The following CADPS variants were observed in gnomAD, a reference collection of about 807,000 sequenced individuals.
CADPS encodes calcium-dependent secretion activator 1.
Under a neutral mutation model 167.3 loss-of-function variants are expected in CADPS, and 57 were observed. That is an observed-to-expected ratio of 0.34 (90% CI 0.28 to 0.42). The LOEUF is 0.42. Ranked by LOEUF, CADPS falls within the 20% of genes least tolerant of loss-of-function variation. The pLI, the probability that CADPS is intolerant of heterozygous loss-of-function variation, is 1.00. For synonymous variants in CADPS, 676 were observed against 635.3 expected, an observed-to-expected ratio of 1.06 and a Z score of -0.96; for missense variants, 1,414 against 1,738.1, an observed-to-expected ratio of 0.81 and a Z score of 3.32.
intron 27 of CADPS, among the ~76,000 whole-genome samples, chr3:62,442,746 A>G (rs2056561803): frequency 6.6e-6 from 1 of 152,074 alleles, no homozygotes; most frequent in South Asian, 2.1e-4. Flanking sequence ...AACTGACAGC[A>G]CCTGATAGTC....
chr3:62,503,174 A>G (rs941218798), intron 17 of CADPS, among the ~76,000 whole-genome samples: 8 of 152,092 alleles, frequency 5.3e-5, no homozygotes, highest in Admixed American at 4.6e-4. Context: ...TACACTTCGT[A>G]CAATGAAGAA....
chr3:62,780,477 G>A (rs1186288133), intron 1 of CADPS, among the ~76,000 whole-genome samples: 2 of 152,122 alleles, frequency 1.3e-5, no homozygotes, highest in Non-Finnish European at 2.9e-5. Flanking sequence ...GTGTCACCTA[G>A]TTTGTGATGA....
intron 3 of CADPS, among the ~76,000 whole-genome samples, chr3:62,688,171 T>C (rs1381331293): frequency 6.6e-6 from 1 of 152,000 alleles, no homozygotes; most frequent in Admixed American, 6.6e-5. Context: ...CCTGTCCTAT[T>C]CATTGTAGGA....
intron 29 of CADPS, among the ~76,000 whole-genome samples, chr3:62,402,147 T>C (rs922558533): frequency 2.2e-5 from 3 of 139,500 alleles, no homozygotes; most frequent in Non-Finnish European, 3.0e-5. Flanking sequence ...TCTCCTTAAT[T>C]ACACACAACG....
chr3:62,523,268 T>C (rs1480218707), intron 13 of CADPS, among the ~76,000 whole-genome samples: 1 of 152,204 alleles, frequency 6.6e-6, no homozygotes, highest in Admixed American at 6.5e-5. Context: ...TTGTTCTCTT[T>C]TTCCCAAATG....
chr3:62,438,331 T>C lies in CADPS; in HGVS notation c.3670-120A>G. On this transcript the variant is annotated intron_variant, in intron 27 of 29. Coordinates refer to ENST00000383710, the MANE Select transcript of CADPS (RefSeq NM_003716.4). The surrounding 1 kb of genome is among the most constrained non-coding windows in gnomAD (Gnocchi z 4.7). ...CCTGAGATGCTTCTGCTGGATCAGC[T>C]TTGTAGGCATGGGATTGCTGTCCAC... 1.4e-6 allele frequency: 1 copy of C among 695,886 alleles called. No homozygotes were observed. Among genetic ancestry groups the C allele is most frequent in the Middle Eastern group, 2.4e-4 (1 of 4,084 alleles). The allele number at this position is 695,886 out of a possible 1,614,324, so 43.1% of individuals were successfully genotyped here. A position where few individuals can be genotyped will look rare whatever the true frequency, so the allele number is the denominator to read the frequency against.
At chr3:62,410,934 G>A (rs1057376232) in intron 28 of CADPS, among the ~76,000 whole-genome samples, 4 of 152,054 alleles carry the variant, frequency 2.6e-5, no homozygotes, top group South Asian at 4.1e-4. Context: ...GTGAGACACC[G>A]TCTCTACAAA....
Position 62,875,160 on chromosome 3 carries a change from C to T in CADPS, c.-131G>A, listed in dbSNP as rs146720092. ...CCCAGGTCAGGGAGCGAGAGCGCTG[C>T]TGCTCAGCCTCGGCCGCCGCGACTG... On this transcript the variant is annotated 5_prime_UTR_variant, in exon 1 of 30. Coordinates refer to ENST00000383710, the MANE Select transcript of CADPS (RefSeq NM_003716.4). 37,968 of 1,199,352 alleles carry T rather than the reference C, an allele frequency of 0.032. 696 individuals carry two copies. The highest frequency in any genetic ancestry group is 0.077 in the South Asian group (3,419 of 44,642). The allele number at this position is 1,199,352 out of a possible 1,614,324, so 74.3% of individuals were successfully genotyped here. A position where few individuals can be genotyped will look rare whatever the true frequency, so the allele number is the denominator to read the frequency against.
At chr3:62,835,904 A>G (rs972089177) in intron 1 of CADPS, among the ~76,000 whole-genome samples, 1 of 152,204 alleles carries the variant, frequency 6.6e-6, no homozygotes, top group Non-Finnish European at 1.5e-5. Context: ...AACACATTAG[A>G]TGACTTCATC....
intron 3 of CADPS, among the ~76,000 whole-genome samples, chr3:62,687,925 A>T (rs1352988779): frequency 6.6e-6 from 1 of 151,918 alleles, no homozygotes; most frequent in Non-Finnish European, 1.5e-5. Flanking sequence ...GGAAATTGAG[A>T]CCCAGAAAGG....
chr3:62,570,967 C>T (rs755053517), intron 8 of CADPS, 29 bp from the exon 9 acceptor site: 1 of 1,376,996 alleles, frequency 7.3e-7, no homozygotes, highest in Admixed American at 1.7e-5. Flanking sequence ...ACCAGAGCTG[C>T]ATTAATGCTT....
At position 62,547,551 on chromosome 3, in the gene CADPS, T is replaced by C. The variant is rs1228185097; in HGVS notation, c.1966+2352A>G. Among the ~76,000 whole-genome samples, 4 of 143,282 alleles carry C rather than the reference T, an allele frequency of 2.8e-5. No individual in the cohort carries two copies. The South Asian group carries it at 8.9e-4, about 32-fold the overall frequency. 94.0% of individuals were successfully genotyped at this position (143,282 alleles called of 152,430 possible). On this transcript the variant is annotated intron_variant, in intron 11 of 29. Coordinates refer to ENST00000383710, the MANE Select transcript of CADPS (RefSeq NM_003716.4). ...TGGTTTTCTCACTCATTTCTCAGCC[T>C]ACTTTACATATTCCCTAGGGATGAT...
At chr3:62,814,346 C>A (rs917453843) in intron 1 of CADPS, 4 of 152,024 alleles carry the variant, frequency 2.6e-5, no homozygotes, top group Non-Finnish European at 5.9e-5. Flanking sequence ...CTCAATATAG[C>A]CACAACATTA....
intron 1 of CADPS, among the ~76,000 whole-genome samples, chr3:62,795,568 C>T (rs368587114): frequency 1.3e-5 from 2 of 152,314 alleles, no homozygotes; most frequent in South Asian, 4.1e-4. Flanking sequence ...GCTTTACCAA[C>T]TTTCTGTTTC....
intron 9 of CADPS, among the ~76,000 whole-genome samples, chr3:62,564,907 C>T (rs952186830): frequency 4.3e-4 from 65 of 152,200 alleles, no homozygotes; most frequent in African/African-American, 1.4e-3. Context: ...GTCTGGGCAC[C>T]AGAAATCTTT....
chr3:62,571,767 TTGGTCAGGC>T (rs2081333100), intron 8 of CADPS, among the ~76,000 whole-genome samples: 2 of 152,150 alleles, frequency 1.3e-5, no homozygotes, highest in Admixed American at 1.3e-4. Context: ...TTTCACCATG[TTGGTCAGGC>T]TGGTCTCGAA....
intron 1 of CADPS, among the ~76,000 whole-genome samples, chr3:62,820,237 A>G (rs1358189406): frequency 6.6e-6 from 1 of 152,220 alleles, no homozygotes; most frequent in African/African-American, 2.4e-5. Flanking sequence ...GAAAATGTAC[A>G]GGTGTATACC....
chr3:62,777,365 AGTC>A (rs1240224534), intron 1 of CADPS, among the ~76,000 whole-genome samples: 3 of 152,240 alleles, frequency 2.0e-5, no homozygotes, highest in African/African-American at 7.2e-5. Context: ...AGTGATTGGC[AGTC>A]GCTTTTCAGG....
rs747289008 is a variant in CADPS, at chr3:62,753,748, G to A, written c.581C>T (p.Ala194Val). 4.3e-6 allele frequency: 7 copies of A among 1,613,352 alleles called. No homozygotes were observed. The highest frequency in any genetic ancestry group is 5.9e-6 in the Non-Finnish European group (7 of 1,179,540). ...YEVFLKSDRV[A>V]RMVQSGGCSA... ...ACAGCCTCCACTCTGAACCATGCGG[G>A]CCACACGGTCGCTCTTCAGGAACAC... is the stretch of plus-strand genomic sequence containing the variant. The change falls in exon 3 of 30, where the codon GCC becomes GTC. Residue 194 changes from alanine (A) to valine (V), a missense_variant. Physicochemically the swap from Ala to Val is moderately conservative, Grantham distance 64. Coordinates refer to ENST00000383710, the MANE Select transcript of CADPS (RefSeq NM_003716.4). This position sits in a 1 kb window ranked among gnomAD's most constrained non-coding sequence, Gnocchi z 4.6.
Sources: allele counts gnomAD v4.1 joint callset (sites outside exome capture counted in the v4.1 genomes callset), GRCh38; gene constraint gnomAD v4.1.1; non-coding constraint Gnocchi (gnomAD v3.1); transcripts MANE v1.5; gene names NCBI Gene and HGNC (gene_info 2026-07-23, HGNC 2026-07-21).